Variants in PKHD1L1 observed in about 807,000 individuals in gnomAD.
PKHD1L1 encodes the protein PKHD1 like 1, also known as fibrocystin-L.
A neutral mutation model predicts 462.9 loss-of-function variants in PKHD1L1; 434 were observed. The observed-to-expected ratio is 0.94, with a 90% CI of 0.87 to 1.02. The LOEUF (loss-of-function observed/expected upper bound fraction) is 1.02. Among genes scored for constraint, PKHD1L1 ranks in the 50% least tolerant of loss-of-function variants. The pLI, the probability that PKHD1L1 is intolerant of heterozygous loss-of-function variation, is 0.00. For synonymous variants in PKHD1L1, 1,781 were observed against 1,750.0 expected (o/e 1.02, Z -0.44); for missense variants, 5,202 against 5,096.1 (o/e 1.02, Z -0.63).
At chr8:109,444,140 G>T (rs916445947) in intron 37 of PKHD1L1, among the ~76,000 whole-genome samples, 1 of 149,488 alleles carries the variant, frequency 6.7e-6, no homozygotes, top group African/African-American at 2.5e-5. Context: ...AAACCCTAAA[G>T]CCCTTAGATA....
chr8:109,445,525 G>A lies in PKHD1L1; in HGVS notation c.5656G>A (p.Ala1886Thr), dbSNP rs746078447. Residue 1886 changes from alanine (A) to threonine (T), a missense_variant, in exon 38 of 78, where the codon GCT (alanine) becomes ACT (threonine). Around this residue, in one of 3 missense-constraint regions of PKHD1L1, gnomAD observed 4,497 missense variants for 4,336.8 expected, o/e 1.04. Coordinates refer to ENST00000378402, the MANE Select transcript of PKHD1L1 (RefSeq NM_177531.6). ...NPNEVYCRTPAGTTGMVDVKI... is the reference protein window; with the variant it reads ...NPNEVYCRTPTGTTGMVDVKI... Reference sequence around the variant, plus strand: ...CAATGAAGTCTACTGCCGCACTCCCGCTGGGACCACTGGAATGGTCGATGT... The same window carrying A: ...CAATGAAGTCTACTGCCGCACTCCCACTGGGACCACTGGAATGGTCGATGT... 5.0e-6 allele frequency: 8 copies of A among 1,613,374 alleles called. No individual in the cohort carries two copies. Among genetic ancestry groups the A allele is most frequent in the South Asian group, 3.3e-5 (3 of 90,956 alleles).
At position 109,409,983 on chromosome 8, in the gene PKHD1L1, G is replaced by A. The variant is rs776298277; in HGVS notation, c.2085+5G>A. On this transcript the variant is annotated splice_donor_5th_base_variant and intron_variant, in intron 19 of 77. Transcript: ENST00000378402. ...TATGAAACTGATTTTAATCTGGTAT[G>A]AAATATTTAATGAACTGTGAAACTG... is the stretch of plus-strand genomic sequence containing the variant. The A allele has an allele frequency of 4.2e-5, 61 of 1,456,892 alleles. No individual in the cohort carries two copies. Among genetic ancestry groups the A allele is most frequent in the Non-Finnish European group, 5.3e-5 (56 of 1,061,598 alleles). The allele number at this position is 1,456,892 out of a possible 1,614,324, so 90.2% of individuals were successfully genotyped here.
intron 17 of PKHD1L1, among the ~76,000 whole-genome samples, chr8:109,407,475 AG>A (rs1222051610): frequency 6.6e-6 from 1 of 152,178 alleles, no homozygotes; most frequent in African/African-American, 2.4e-5. Flanking sequence ...AGGGTCAAAA[AG>A]ATCAATGAGA....
Position 109,444,911 on chromosome 8 carries a change from GC to G in PKHD1L1, c.5043del (p.Ser1682LeufsTer10). On this transcript the variant is annotated frameshift_variant, in exon 38 of 78. Coordinates refer to ENST00000378402, the MANE Select transcript of PKHD1L1 (RefSeq NM_177531.6). LOFTEE classifies it high-confidence loss of function. ...TTGMTSVTIK[G>X]SGFAVSSAGV... ...GGAATGACAAGCGTGACCATAAAAG[GC>G]TCTGGATTTGCCGTTTCTTCTGCAG... The G allele has an allele frequency of 1.2e-6, 2 of 1,613,986 alleles. No individual in the cohort carries two copies. The highest frequency in any genetic ancestry group is 1.7e-6 in the Non-Finnish European group (2 of 1,179,890).
At chr8:109,479,900 A>G (rs1026396655) in intron 54 of PKHD1L1, 91 bp from the exon 55 acceptor site, 3 of 1,265,686 alleles carry the variant, frequency 2.4e-6, no homozygotes, top group Admixed American at 3.1e-5. Context: ...ATAAACACTC[A>G]AAACTAGGAC....
chr8:109,384,182 A>T, intron 5 of PKHD1L1, 55 bp downstream of exon 5: 1 of 1,236,260 alleles, frequency 8.1e-7, no homozygotes, highest in Non-Finnish European at 1.2e-6. Context: ...TAATGTGTTT[A>T]TTTTTTAGTA....
chr8:109,379,533 G>C (rs1414268389), intron 2 of PKHD1L1, among the ~76,000 whole-genome samples: 1 of 152,126 alleles, frequency 6.6e-6, no homozygotes, highest in Non-Finnish European at 1.5e-5. Context: ...CTGTGGGGTG[G>C]GACCCTGGTA....
rs16879534 is a variant in PKHD1L1 at position 109,425,214 on chromosome 8, T to C, written c.2827T>C (p.Tyr943His). 26,807 of 1,603,074 alleles carry C rather than the reference T, an allele frequency of 0.017. 3,984 individuals carry two copies. The African/African-American group carries it at 0.32, about 19-fold the overall frequency. ...PLSGSFDIQA[Y>H]GHILKGLPAA... ...AAGTGGCAGCTTTGACATTCAAGCTTATGGACATATTCTTAAAGGTATATG... is the reference window on the plus strand; with the variant it reads ...AAGTGGCAGCTTTGACATTCAAGCTCATGGACATATTCTTAAAGGTATATG... The change falls in exon 24 of 78, where the codon TAT (tyrosine) becomes CAT (histidine). Residue 943 changes from tyrosine to histidine, a missense_variant. Transcript: ENST00000378402.
intron 2 of PKHD1L1, among the ~76,000 whole-genome samples, chr8:109,377,704 G>A (rs1811910600): frequency 6.6e-6 from 1 of 152,114 alleles, no homozygotes; most frequent in African/African-American, 2.4e-5. Flanking sequence ...TTCCATAGAT[G>A]TGTGTAATTT....
At chr8:109,515,352 TATA>T (rs1820214809) in intron 72 of PKHD1L1, 47 bp downstream of exon 72, 2 of 1,317,340 alleles carry the variant, frequency 1.5e-6, no homozygotes. Flanking sequence ...TGTACTTATT[TATA>T]ATATTTTAAG....
At chr8:109,522,640 C>G in intron 74 of PKHD1L1, 104 bp from the exon 75 acceptor site, 1 of 1,166,736 alleles carries the variant, frequency 8.6e-7, no homozygotes, top group Non-Finnish European at 1.2e-6. Context: ...TGAACATATT[C>G]CAAAATAAAT....
intron 48 of PKHD1L1, 37 bp from the exon 49 acceptor site, chr8:109,464,179 G>A (rs1386008149): frequency 5.5e-6 from 8 of 1,452,138 alleles, no homozygotes; most frequent in Non-Finnish European, 7.3e-6. Flanking sequence ...CAACATCTGA[G>A]CTATTACTAA....
rs1470511550 is a variant in PKHD1L1 at position 109,496,952 on chromosome 8, A to G, written c.10361A>G (p.Asn3454Ser). The stretch of plus-strand genomic sequence containing the variant: ...AATCCTGTGGAAAAGTGGTTTGACA[A>G]TGAAGCCCATGGAGGTTTATATGGG... ...QFNPVEKWFD[N>S]EAHGGLYGIY... is the part of the protein sequence containing the mutation. Residue 3454 changes from asparagine to serine, a missense_variant, in exon 64 of 78, where the codon AAT becomes AGT. Asn to Ser is a conservative substitution (Grantham distance 46). Coordinates refer to ENST00000378402, the MANE Select transcript of PKHD1L1 (RefSeq NM_177531.6). The G allele has an allele frequency of 3.1e-6, 5 of 1,613,568 alleles. No homozygotes were observed. Among genetic ancestry groups the G allele is most frequent in the Middle Eastern group, 1.7e-4 (1 of 6,056 alleles).
intron 60 of PKHD1L1, among the ~76,000 whole-genome samples, 173 bp from the exon 61 acceptor site, chr8:109,490,799 A>T (rs901195622): frequency 6.6e-6 from 1 of 151,790 alleles, no homozygotes; most frequent in Non-Finnish European, 1.5e-5. Context: ...GGAAATTTCC[A>T]TATTTTATAT....
intron 38 of PKHD1L1, among the ~76,000 whole-genome samples, chr8:109,447,488 C>G (rs1390991743): frequency 6.6e-6 from 1 of 152,152 alleles, no homozygotes; most frequent in South Asian, 2.1e-4. Context: ...AAAAGTTCCA[C>G]GTTTAATGCC....
At position 109,452,240 on chromosome 8, in the gene PKHD1L1, C is replaced by A; in HGVS notation, c.6467C>A (p.Pro2156Gln). The change falls in exon 42 of 78, where the codon CCA becomes CAA. Residue 2156 changes from proline (P) to glutamine (Q), a missense_variant. This residue lies in a region of PKHD1L1 where 4,497 missense variants were observed against 4,336.8 expected (regional missense o/e 1.04). Coordinates refer to ENST00000378402, the MANE Select transcript of PKHD1L1 (RefSeq NM_177531.6). ...TDAHTLSGWA[P>Q]VCVHIRGVGM... The stretch of plus-strand genomic sequence containing the variant: ...GCCCATACTCTATCAGGGTGGGCTC[C>A]AGTTTGTGTCCACATCAGAGGTGTC... 1 of 1,610,936 alleles carries A rather than the reference C, an allele frequency of 6.2e-7. No homozygotes were observed. Among genetic ancestry groups the A allele is most frequent in the South Asian group, 1.1e-5 (1 of 90,462 alleles).
Position 109,451,001 on chromosome 8 carries a change from G to T in PKHD1L1, c.6202G>T (p.Val2068Leu), listed in dbSNP as rs2130783674. 1 of 1,612,476 alleles carries T rather than the reference G, an allele frequency of 6.2e-7. No homozygotes were observed. The highest frequency in any genetic ancestry group is 1.3e-5 in the African/African-American group (1 of 75,072). The change falls in exon 41 of 78, where the codon GTG becomes TTG. Residue 2068 changes from valine (V) to leucine (L), a missense_variant. Physicochemically the swap from Val to Leu is conservative, Grantham distance 32. Around this residue, in one of 3 missense-constraint regions of PKHD1L1, gnomAD observed 4,497 missense variants for 4,336.8 expected, o/e 1.04. Transcript: ENST00000378402. ...NGTGAEQACEVSVVNGKDLSQ... is the reference protein window; with the variant it reads ...NGTGAEQACELSVVNGKDLSQ... ...CACGGGAGCTGAGCAAGCCTGTGAAGTGAGTGTGGTTAATGGGAAAGATTT... is the reference window on the plus strand; with the variant it reads ...CACGGGAGCTGAGCAAGCCTGTGAATTGAGTGTGGTTAATGGGAAAGATTT...
intron 71 of PKHD1L1, among the ~76,000 whole-genome samples, chr8:109,513,967 G>A (rs888491323): frequency 2.0e-5 from 3 of 151,858 alleles, no homozygotes; most frequent in Non-Finnish European, 4.4e-5. Flanking sequence ...GTCAGATCAC[G>A]TCTCTCCCAT....
chr8:109,456,028 CAGA>C (rs1052861204), intron 45 of PKHD1L1, among the ~76,000 whole-genome samples: 3 of 152,034 alleles, frequency 2.0e-5, no homozygotes, highest in African/African-American at 7.2e-5. Context: ...TATATCATTG[CAGA>C]AGAATATTTT....
Sources: allele counts gnomAD v4.1 joint callset (sites outside exome capture counted in the v4.1 genomes callset), GRCh38; gene constraint gnomAD v4.1.1; regional missense constraint gnomAD v4.1.1; transcripts MANE v1.5; gene names NCBI Gene and HGNC (gene_info 2026-07-23, HGNC 2026-07-21).